Variants in DENND2D observed in about 807,000 individuals in gnomAD.
DENND2D encodes DENN domain containing 2D.
Under a neutral mutation model 59.8 loss-of-function variants are expected in DENND2D, and 37 were observed. The observed-to-expected ratio is 0.62, with a 90% confidence interval of 0.48 to 0.81. DENND2D has a LOEUF of 0.81. Ranked by LOEUF, DENND2D falls within the 40% of genes least tolerant of loss-of-function variation. The pLI, the probability that DENND2D is intolerant of heterozygous loss-of-function variation, is 0.00. For missense variants in DENND2D, 525 were observed against 579.7 expected, an observed-to-expected ratio of 0.91 and a Z score of 0.97; for synonymous variants, 219 against 211.3, an observed-to-expected ratio of 1.04 and a Z score of -0.31.
At chr1:111,189,365 A>G in intron 8 of DENND2D, 112 bp from the exon 9 acceptor site, 1 of 1,069,508 alleles carries the variant, frequency 9.4e-7, no homozygotes, top group Non-Finnish European at 1.4e-6. Context: ...GGTAGCAACA[A>G]AATCAATATC....
At chr1:111,193,355 A>G (rs1285537786) in intron 7 of DENND2D, among the ~76,000 whole-genome samples, 1 of 152,172 alleles carries the variant, frequency 6.6e-6, no homozygotes, top group Non-Finnish European at 1.5e-5. Context: ...AACGTCTGAG[A>G]GGTGAATCCT....
chr1:111,195,095 C>G (rs1479126343), intron 6 of DENND2D: 6 of 206,986 alleles, frequency 2.9e-5, no homozygotes, highest in Non-Finnish European at 2.9e-5. Flanking sequence ...AGAGGCCCCC[C>G]TTTGGCCATG....
At position 111,186,212 on chromosome 1, in the gene DENND2D, A is replaced by G. The variant is rs868084447; in HGVS notation, c.*1393T>C. Among the ~76,000 whole-genome samples the G allele has an allele frequency of 2.6e-5, 4 of 152,180 alleles. No individual in the cohort carries two copies. The highest frequency in any genetic ancestry group is 9.7e-5 in the African/African-American group (4 of 41,424). ...TGTATTTGTGATGAGGCATAAGAGG[A>G]TATTTTCACAAGATTCTCAGGATTC... is the stretch of plus-strand genomic sequence containing the variant. On this transcript the variant is annotated 3_prime_UTR_variant, in exon 12 of 12. Coordinates refer to ENST00000357640, the MANE Select transcript of DENND2D (RefSeq NM_024901.5).
intron 5 of DENND2D, 90 bp from the exon 6 acceptor site, chr1:111,196,146 G>T: frequency 6.8e-7 from 1 of 1,470,352 alleles, no homozygotes; most frequent in Non-Finnish European, 9.0e-7. Context: ...GCGTCATAAT[G>T]TTCTCATACT....
At chr1:111,202,133 AT>A (rs1658867813), upstream of DENND2D, among the ~76,000 whole-genome samples, 1 of 152,250 alleles carries the variant, frequency 6.6e-6, no homozygotes, top group Non-Finnish European at 1.5e-5. Flanking sequence ...TTCAAAGGAC[AT>A]TGAGAAACAG....
rs911610792 is a variant in DENND2D, at chr1:111,197,712, C to T, written c.426+208G>A. 14 of 1,420,770 alleles carry T rather than the reference C, an allele frequency of 9.9e-6. No individual in the cohort carries two copies. The African/African-American group carries it at 1.7e-4, about 18-fold the overall frequency. 88.0% of individuals were successfully genotyped at this position (1,420,770 alleles called of 1,614,324 possible). On this transcript the variant is annotated intron_variant, in intron 4 of 11. Coordinates refer to ENST00000357640, the MANE Select transcript of DENND2D (RefSeq NM_024901.5). ...AGCCAGAGAGAGCACAGACCAGAGCCTGACCAGCAGCGGGAGAAGGGGCAT... is the reference window on the plus strand; with the variant it reads ...AGCCAGAGAGAGCACAGACCAGAGCTTGACCAGCAGCGGGAGAAGGGGCAT...
chr1:111,189,867 C>A (rs1413256930), intron 8 of DENND2D, among the ~76,000 whole-genome samples: 2 of 152,242 alleles, frequency 1.3e-5, no homozygotes, highest in Admixed American at 1.3e-4. Context: ...GTACAATTTT[C>A]TATTAGAAAA....
At position 111,187,275 on chromosome 1, in the gene DENND2D, T is replaced by C. The variant is rs927791969; in HGVS notation, c.*330A>G. 5.5e-5 allele frequency: 16 copies of C among 290,070 alleles called. No homozygotes were observed. The highest frequency in any genetic ancestry group is 3.4e-4 in the African/African-American group (16 of 46,876). The allele number at this position is 290,070 out of a possible 1,614,324, so 18.0% of individuals were successfully genotyped here. On this transcript the variant is annotated 3_prime_UTR_variant, in exon 12 of 12. Transcript: ENST00000357640. ...CACAAAGTGTGTTCTGTGTTGAAGA[T>C]GTTATAATGATGGGAGAGGGCAGTT...
intron 3 of DENND2D, 83 bp downstream of exon 3, chr1:111,198,547 T>G: frequency 7.5e-7 from 1 of 1,330,138 alleles, no homozygotes. Flanking sequence ...ATGACAGCAG[T>G]GAGGGAGGCT....
rs111578219 is a variant in DENND2D at position 111,188,156 on chromosome 1, G to A, written c.1314C>T (p.Ala438=). The change falls in exon 11 of 12, where the codon GCC becomes GCT. Residue 438 remains alanine, a synonymous_variant. Coordinates refer to ENST00000357640, the MANE Select transcript of DENND2D (RefSeq NM_024901.5). ...CTGCAGGAGGATTCTTGCTCTTCTC[G>A]GCTTCCTGGATGAAAAGTGAGAAGA... The part of the protein sequence containing the change: ...TQLFSLFIQE[A]EKSKNPPAGY... 1.6e-5 allele frequency: 26 copies of A among 1,614,052 alleles called. No homozygotes were observed. The highest frequency in any genetic ancestry group is 1.5e-4 in the African/African-American group (11 of 74,980).
At chr1:111,202,720 C>CACACACACAT (rs1325806213), upstream of DENND2D, among the ~76,000 whole-genome samples, 277 of 151,904 alleles carry the variant, frequency 1.8e-3, 2 homozygotes, top group African/African-American at 6.3e-3. Context: ...CACACACACA[C>CACACACACAT]ACACACTCCC....
Position 111,187,476 on chromosome 1 carries a change from C to G in DENND2D, c.*129G>C, listed in dbSNP as rs187733173. On this transcript the variant is annotated 3_prime_UTR_variant, in exon 12 of 12. Transcript: ENST00000357640. ...CTCAGACACCAGTTTGAAGCAATAC[C>G]TGGATACCAAGACTCAGAGTGAGGA... The G allele has an allele frequency of 1.3e-4, 92 of 722,502 alleles. No homozygotes were observed. The African/African-American group carries it at 1.3e-3, about 10-fold the overall frequency. 44.8% of individuals were successfully genotyped at this position (722,502 alleles called of 1,614,324 possible).
chr1:111,198,153 T>G (rs141912286), intron 3 of DENND2D, among the ~76,000 whole-genome samples, 164 bp from the exon 4 acceptor site: 31 of 152,326 alleles, frequency 2.0e-4, no homozygotes, highest in African/African-American at 6.3e-4. Flanking sequence ...TCTCATCTAA[T>G]TGTCAAAACA....
At chr1:111,191,798 C>T (rs1249264612) in intron 8 of DENND2D, among the ~76,000 whole-genome samples, 1 of 152,186 alleles carries the variant, frequency 6.6e-6, no homozygotes, top group Admixed American at 6.5e-5. Flanking sequence ...ATGGGACACC[C>T]CGAAGACTGC....
chr1:111,189,151 A>T lies in DENND2D; in HGVS notation c.1014+61T>A, dbSNP rs1657496399. ...GTTTGTTTAAATAAGTGGAACATGGATGAAACTAGAGTGGTAGAGTTGTTG... is the reference window on the plus strand; with the variant it reads ...GTTTGTTTAAATAAGTGGAACATGGTTGAAACTAGAGTGGTAGAGTTGTTG... On this transcript the variant is annotated intron_variant, in intron 9 of 11. Transcript: ENST00000357640. The T allele has an allele frequency of 2.6e-6, 4 of 1,565,036 alleles. No individual in the cohort carries two copies. The East Asian group carries it at 9.0e-5, about 35-fold the overall frequency.
chr1:111,194,443 A>T, intron 7 of DENND2D, 135 bp downstream of exon 7: 1 of 1,055,608 alleles, frequency 9.5e-7, no homozygotes. Flanking sequence ...TCTTGGTTTA[A>T]AGAACAAGGA....
Position 111,187,680 on chromosome 1 carries a change from G to A in DENND2D, c.1341C>T (p.Gly447=), listed in dbSNP as rs749540077. Residue 447 remains glycine (G), a splice_region_variant and synonymous_variant, in exon 12 of 12, where the codon GGC becomes GGT. Transcript: ENST00000357640. ...ATTCAAGTATTTTCTGTTGGAAATA[G>A]CCTGTGGGTTCAAATACAGGTGTTA... is the stretch of plus-strand genomic sequence containing the variant. The part of the protein sequence containing the change: ...EAEKSKNPPA[G]YFQQKILEYE... The A allele has an allele frequency of 8.1e-6, 13 of 1,612,870 alleles. No homozygotes were observed. The highest frequency in any genetic ancestry group is 1.1e-5 in the Non-Finnish European group (13 of 1,179,094).
intron 6 of DENND2D, 178 bp downstream of exon 6, chr1:111,195,738 A>T (rs1658167551): frequency 8.7e-6 from 7 of 806,556 alleles, no homozygotes; most frequent in Non-Finnish European, 1.2e-5. Flanking sequence ...GTATCAAGTT[A>T]GAAGGATCAG....
At chr1:111,195,076 T>G in intron 6 of DENND2D, 1 of 227,564 alleles carries the variant, frequency 4.4e-6, no homozygotes. Context: ...TTACCCTCTT[T>G]CAGGTCACAG....
Sources: gnomAD v4.1 joint callset for allele counts (sites outside exome capture counted in the v4.1 genomes callset) on GRCh38, gnomAD v4.1.1 for gene constraint, MANE v1.5 for transcripts, NCBI Gene and HGNC (gene_info 2026-07-23, HGNC 2026-07-21) for gene names.